The following ITPR2 variants were observed in gnomAD, a reference collection of about 807,000 sequenced individuals.
The protein encoded by ITPR2 is inositol 1,4,5-trisphosphate receptor type 2, also known as inositol 1,4,5-trisphosphate-gated calcium channel ITPR2.
A neutral mutation model predicts 317.1 loss-of-function variants in ITPR2; 207 were observed. The observed-to-expected ratio is 0.65, with a 90% CI of 0.58 to 0.73. The LOEUF (loss-of-function observed/expected upper bound fraction) is 0.73. Among genes scored for constraint, ITPR2 ranks in the 30% least tolerant of loss-of-function variants. The pLI, the probability that ITPR2 is intolerant of heterozygous loss-of-function variation, is 0.00. For missense variants in ITPR2, 2,613 were observed against 3,284.0 expected (o/e 0.80, Z 4.99); for synonymous variants, 1,156 against 1,149.1 (o/e 1.01, Z -0.12).
intron 52 of ITPR2, among the ~76,000 whole-genome samples, chr12:26,404,202 T>C (rs1263137162): frequency 1.3e-5 from 2 of 152,202 alleles, no homozygotes; most frequent in East Asian, 3.9e-4. Context: ...GACAGAACTG[T>C]AGGCAGAAGG....
At chr12:26,715,998 A>C (rs1177624531) in intron 6 of ITPR2, 146 bp downstream of exon 6, 8 of 699,902 alleles carry the variant, frequency 1.1e-5, no homozygotes, top group Non-Finnish European at 1.2e-5. Flanking sequence ...AGCAATAACT[A>C]ATCACAGCTA....
intron 32 of ITPR2, 125 bp from the exon 33 acceptor site, chr12:26,580,280 G>A: frequency 1.3e-6 from 1 of 785,452 alleles, no homozygotes; most frequent in Non-Finnish European, 2.0e-6. Flanking sequence ...TTTTAAAGTT[G>A]CTGAGAAGAG....
chr12:26,621,734 T>G (rs1165524668), intron 25 of ITPR2, among the ~76,000 whole-genome samples: 1 of 152,222 alleles, frequency 6.6e-6, no homozygotes, highest in Non-Finnish European at 1.5e-5. Context: ...ATCAATACCC[T>G]ATTATGTTAA....
intron 39 of ITPR2, among the ~76,000 whole-genome samples, chr12:26,488,088 A>G (rs1383775107): frequency 1.3e-5 from 2 of 152,144 alleles, no homozygotes; most frequent in East Asian, 1.9e-4. Flanking sequence ...AGTAGGAGGT[A>G]GGAAAGATAA....
intron 34 of ITPR2, among the ~76,000 whole-genome samples, chr12:26,562,780 G>A (rs532900648): frequency 1.3e-5 from 2 of 151,852 alleles, no homozygotes; most frequent in South Asian, 4.2e-4. Context: ...GTGGGGGAAG[G>A]GGGGGAGGGA....
intron 10 of ITPR2, among the ~76,000 whole-genome samples, chr12:26,692,355 A>C (rs1386411689): frequency 6.6e-6 from 1 of 152,222 alleles, no homozygotes; most frequent in Non-Finnish European, 1.5e-5. Flanking sequence ...TAAACATCCT[A>C]CAGGCAAAAG....
intron 2 of ITPR2, among the ~76,000 whole-genome samples, chr12:26,764,472 T>C (rs1949686259): frequency 6.6e-6 from 1 of 152,096 alleles, no homozygotes; most frequent in Admixed American, 6.5e-5. Context: ...GGCTATGTCT[T>C]TGTATATTAT....
At chr12:26,374,258 C>T (rs1012776667) in intron 55 of ITPR2, among the ~76,000 whole-genome samples, 3 of 152,236 alleles carry the variant, frequency 2.0e-5, no homozygotes, top group East Asian at 1.9e-4. Context: ...GCCTGACCTT[C>T]GCTTGATGGT....
chr12:26,575,610 T>C (rs1225482004), intron 34 of ITPR2, among the ~76,000 whole-genome samples: 1 of 152,200 alleles, frequency 6.6e-6, no homozygotes, highest in African/African-American at 2.4e-5. Flanking sequence ...TTTTTAGACT[T>C]ATCACACATG....
At chr12:26,384,505 C>T (rs925548559) in intron 55 of ITPR2, among the ~76,000 whole-genome samples, 9 of 152,152 alleles carry the variant, frequency 5.9e-5, no homozygotes, top group Non-Finnish European at 1.3e-4. Flanking sequence ...TCCCTCTTGT[C>T]ATGGCTCTGG....
At chr12:26,597,226 T>C in intron 30 of ITPR2, 92 bp from the exon 31 acceptor site, 3 of 1,349,218 alleles carry the variant, frequency 2.2e-6, no homozygotes, top group Non-Finnish European at 2.1e-6. Flanking sequence ...AACACGTATA[T>C]CTCTTCGTAA....
intron 43 of ITPR2, among the ~76,000 whole-genome samples, chr12:26,479,669 C>T (rs1942501872): frequency 6.6e-6 from 1 of 152,118 alleles, no homozygotes; most frequent in Admixed American, 6.5e-5. Context: ...TCGAGGGGCA[C>T]AAGTACATCT....
intron 15 of ITPR2, 124 bp downstream of exon 15, chr12:26,663,561 C>T: frequency 1.1e-6 from 1 of 935,002 alleles, no homozygotes; most frequent in Non-Finnish European, 1.6e-6. Flanking sequence ...TATTGCCCAA[C>T]ATAAAATATT....
intron 32 of ITPR2, among the ~76,000 whole-genome samples, chr12:26,582,044 T>C (rs539260601): frequency 1.4e-4 from 21 of 152,130 alleles, no homozygotes; most frequent in African/African-American, 4.8e-4. Flanking sequence ...TTCTTCAAAA[T>C]CCAGGGTTAT....
At chr12:26,566,792 C>A (rs1390843883) in intron 34 of ITPR2, among the ~76,000 whole-genome samples, 3 of 152,168 alleles carry the variant, frequency 2.0e-5, no homozygotes, top group Non-Finnish European at 1.5e-5. Flanking sequence ...TGCAATATCT[C>A]TGTTTATGTC....
chr12:26,352,431 C>G (rs985335349), intron 55 of ITPR2, among the ~76,000 whole-genome samples: 4 of 152,248 alleles, frequency 2.6e-5, no homozygotes, highest in Non-Finnish European at 4.4e-5. Flanking sequence ...TCTGCTCATA[C>G]TGAGTCTGGT....
chr12:26,470,910 G>A (rs1018689186), intron 45 of ITPR2, among the ~76,000 whole-genome samples: 1 of 152,124 alleles, frequency 6.6e-6, no homozygotes, highest in Non-Finnish European at 1.5e-5. Flanking sequence ...AAACCTAAAT[G>A]TCTAACAATA....
intron 37 of ITPR2, among the ~76,000 whole-genome samples, chr12:26,507,124 C>A (rs545860174): frequency 6.3e-4 from 96 of 152,160 alleles, no homozygotes; most frequent in Admixed American, 2.2e-3. Context: ...TATCTGCTCC[C>A]ATGAGCTCCT....
At chr12:26,564,833 A>T (rs940432507) in intron 34 of ITPR2, among the ~76,000 whole-genome samples, 18 of 152,208 alleles carry the variant, frequency 1.2e-4, no homozygotes, top group African/African-American at 4.3e-4. Context: ...CTAGTCTCCA[A>T]ATTGTGAGAC....
Sources: allele counts gnomAD v4.1 joint callset (sites outside exome capture counted in the v4.1 genomes callset), GRCh38; gene constraint gnomAD v4.1.1; transcripts MANE v1.5; gene names NCBI Gene and HGNC (gene_info 2026-07-23, HGNC 2026-07-21).